Variants in PCDHA10 observed in about 807,000 individuals in gnomAD.
PCDHA10 encodes the protein protocadherin alpha 10.
A neutral mutation model predicts 61.2 loss-of-function variants in PCDHA10; 45 were observed. That is an observed-to-expected ratio of 0.74 (90% CI 0.58 to 0.94). The LOEUF is 0.94. Ranked by LOEUF, PCDHA10 falls within the 40% of genes least tolerant of loss-of-function variation. The pLI, the probability that PCDHA10 is intolerant of heterozygous loss-of-function variation, is 0.00. For synonymous variants in PCDHA10, 602 were observed against 548.8 expected (o/e 1.10, Z -1.35); for missense variants, 1,278 against 1,236.2 (o/e 1.03, Z -0.51).
intron 3 of PCDHA10, among the ~76,000 whole-genome samples, chr5:140,992,102 G>A (rs1205417295): frequency 6.6e-6 from 1 of 150,914 alleles, no homozygotes; most frequent in Non-Finnish European, 1.5e-5. Context: ...AGAGAATTAA[G>A]GTGAGATGTG....
chr5:140,978,967 G>C lies in PCDHA10; in HGVS notation c.2407G>C (p.Asp803His), dbSNP rs782109224. 1.9e-6 allele frequency: 3 copies of C among 1,614,038 alleles called. No homozygotes were observed. The highest frequency in any genetic ancestry group is 1.1e-5 in the South Asian group (1 of 91,066). The stretch of plus-strand genomic sequence containing the variant: ...TTTGCAGCCACGACAGCCCAACCCT[G>C]ACTGGCGTTACTCTGCCTCCCTGAG... ...HSRKPRQPNPDWRYSASLRAG... is the reference protein window; with the variant it reads ...HSRKPRQPNPHWRYSASLRAG... The change falls in exon 2 of 4, where the codon GAC (aspartate) becomes CAC (histidine). Residue 803 changes from aspartate to histidine, a missense_variant. Asp to His is a moderately conservative substitution (Grantham distance 81). Coordinates refer to ENST00000307360, the MANE Select transcript of PCDHA10 (RefSeq NM_018901.4).
chr5:140,963,301 A>T (rs2095755158), intron 1 of PCDHA10, among the ~76,000 whole-genome samples: 1 of 152,238 alleles, frequency 6.6e-6, no homozygotes, highest in Non-Finnish European at 1.5e-5. Flanking sequence ...GAGAGAAAAT[A>T]AGAAGCTGTT....
At chr5:140,923,219 CGTTTG>C (rs2081242278) in intron 1 of PCDHA10, among the ~76,000 whole-genome samples, 3 of 151,974 alleles carry the variant, frequency 2.0e-5, no homozygotes, top group Admixed American at 1.3e-4. Context: ...GTGAAAGGAT[CGTTTG>C]AGCCCAGAAG....
At chr5:140,872,812 C>G (rs1233699706) in intron 1 of PCDHA10, among the ~76,000 whole-genome samples, 2 of 152,144 alleles carry the variant, frequency 1.3e-5, no homozygotes, top group African/African-American at 4.8e-5. Context: ...ATAAGTTTTT[C>G]AGATTCATCT....
At chr5:140,937,736 C>T (rs778178538) in intron 1 of PCDHA10, among the ~76,000 whole-genome samples, 84 of 151,896 alleles carry the variant, frequency 5.5e-4, no homozygotes, top group Non-Finnish European at 1.1e-3. Context: ...CACGGTGAAA[C>T]CCCGTCTCTA....
intron 3 of PCDHA10, among the ~76,000 whole-genome samples, chr5:140,986,901 A>G (rs1289100953): frequency 6.6e-6 from 1 of 152,134 alleles, no homozygotes; most frequent in Non-Finnish European, 1.5e-5. Context: ...GCCCTATCCT[A>G]GACTAATGAA....
chr5:140,990,562 C>T (rs2097400496), intron 3 of PCDHA10, among the ~76,000 whole-genome samples: 1 of 152,210 alleles, frequency 6.6e-6, no homozygotes, highest in Non-Finnish European at 1.5e-5. Context: ...CAAGAACACA[C>T]ACCTGTTCGA....
chr5:140,991,317 T>C (rs2097444971), intron 3 of PCDHA10, among the ~76,000 whole-genome samples: 1 of 152,208 alleles, frequency 6.6e-6, no homozygotes, highest in Admixed American at 6.5e-5. Flanking sequence ...TCCCGCATGA[T>C]ACATGAAGGG....
intron 1 of PCDHA10, chr5:140,859,420 C>A: frequency 4.3e-6 from 1 of 233,152 alleles, no homozygotes; most frequent in Non-Finnish European, 8.1e-6. Context: ...ATGATATAGA[C>A]TCAGAAATGA....
intron 1 of PCDHA10, among the ~76,000 whole-genome samples, chr5:140,978,620 G>A (rs2096812690): frequency 6.6e-6 from 1 of 152,220 alleles, no homozygotes; most frequent in South Asian, 2.1e-4. Context: ...AGCAGTGAAA[G>A]CTTTTCCTTT....
At chr5:140,871,123 G>A (rs782312325) in intron 1 of PCDHA10, 51 of 1,613,216 alleles carry the variant, frequency 3.2e-5, no homozygotes, top group African/African-American at 1.3e-5. Context: ...GAGCGGACAG[G>A]CGCCAAAGGC....
chr5:140,870,319 T>C (rs782623881), intron 1 of PCDHA10: 3 of 1,614,162 alleles, frequency 1.9e-6, no homozygotes, highest in Non-Finnish European at 2.5e-6. Context: ...TTACTACTCG[T>C]TGGTGCTGGA....
At chr5:140,859,551 A>G (rs1258931011) in intron 1 of PCDHA10, 1 of 180,640 alleles carries the variant, frequency 5.5e-6, no homozygotes, top group African/African-American at 2.4e-5. Flanking sequence ...AGTGTTACCA[A>G]ACACCAATGC....
chr5:140,879,872 T>C (rs944464993), intron 1 of PCDHA10, among the ~76,000 whole-genome samples: 1 of 152,208 alleles, frequency 6.6e-6, no homozygotes, highest in African/African-American at 2.4e-5. Context: ...GCTTTCATGG[T>C]CACATTGCCT....
chr5:140,914,619 T>G (rs1554196515), intron 1 of PCDHA10, among the ~76,000 whole-genome samples: 1 of 152,194 alleles, frequency 6.6e-6, no homozygotes, highest in African/African-American at 2.4e-5. Context: ...TTTTGTAATT[T>G]GTTTTCTCGT....
chr5:141,008,837 C>G (rs1460664317), intron 3 of PCDHA10, among the ~76,000 whole-genome samples: 1 of 152,178 alleles, frequency 6.6e-6, no homozygotes, highest in Non-Finnish European at 1.5e-5. Flanking sequence ...CATCCTCTTA[C>G]GCTGTGTATT....
chr5:140,900,030 G>A (rs1159979332), intron 1 of PCDHA10, among the ~76,000 whole-genome samples: 1 of 152,086 alleles, frequency 6.6e-6, no homozygotes, highest in Admixed American at 6.6e-5. Context: ...GTTTGGCCTT[G>A]AATTCCTGGG....
chr5:140,893,656 TA>T (rs1241356048), intron 1 of PCDHA10, among the ~76,000 whole-genome samples: 28 of 152,340 alleles, frequency 1.8e-4, no homozygotes, highest in Admixed American at 1.6e-3. Flanking sequence ...CTGATAGTTT[TA>T]AAAAATTTCA....
intron 1 of PCDHA10, chr5:140,966,947 G>A (rs782439197): frequency 6.2e-7 from 1 of 1,603,520 alleles, no homozygotes; most frequent in Middle Eastern, 1.7e-4. Context: ...CGTGGGCAAC[G>A]TGGCTCGCGC....
Sources: gnomAD v4.1 joint callset for allele counts (sites outside exome capture counted in the v4.1 genomes callset) on GRCh38, gnomAD v4.1.1 for gene constraint, MANE v1.5 for transcripts, NCBI Gene and HGNC (gene_info 2026-07-23, HGNC 2026-07-21) for gene names.